The following CRHR1 variants were observed in gnomAD, a reference collection of about 807,000 sequenced individuals.
CRHR1 encodes the protein corticotropin-releasing hormone receptor 1.
In CRHR1, 28 loss-of-function variants were observed where a neutral mutation model predicts 56.0. The ratio of observed to expected loss-of-function variants is 0.50; its 90% CI spans 0.37 to 0.69. The LOEUF is 0.69. CRHR1 is among the 30% of genes least tolerant of loss of function. The pLI, the probability that CRHR1 is intolerant of heterozygous loss-of-function variation, is 0.00. For missense variants in CRHR1, 376 were observed against 548.0 expected, an observed-to-expected ratio of 0.69 and a Z score of 3.13; for synonymous variants, 195 against 216.5, an observed-to-expected ratio of 0.90 and a Z score of 0.87.
At chr17:45,785,223 C>A (rs2061313584) in intron 1 of CRHR1, among the ~76,000 whole-genome samples, 1 of 152,258 alleles carries the variant, frequency 6.6e-6, no homozygotes, top group Admixed American at 6.5e-5. Context: ...CCCCGCGCTG[C>A]GCGGCCGACC....
In CRHR1 at chr17:45,833,979, C is replaced by T. The variant is rs763834953; in HGVS notation, c.1066-28C>T. 9 of 1,613,764 alleles carry T rather than the reference C, an allele frequency of 5.6e-6. No individual in the cohort carries two copies. The African/African-American group carries it at 1.2e-4, about 22-fold the overall frequency. On this transcript the variant is annotated intron_variant, in intron 11 of 12. Transcript: ENST00000314537. Reference sequence around the variant, plus strand: ...CTGGGTGGGCAACACCTGCAGCCGACCTTTGACGCCTCCTCTCTCCTCCCC... The same window carrying T: ...CTGGGTGGGCAACACCTGCAGCCGATCTTTGACGCCTCCTCTCTCCTCCCC...
intron 3 of CRHR1, among the ~76,000 whole-genome samples, chr17:45,818,310 A>T (rs2061969689): frequency 6.6e-6 from 1 of 152,026 alleles, no homozygotes; most frequent in Admixed American, 6.6e-5. Flanking sequence ...AGCCCTGGCC[A>T]CCCCCCATGA....
At chr17:45,788,688 G>A (rs1273453311) in intron 1 of CRHR1, among the ~76,000 whole-genome samples, 1 of 152,224 alleles carries the variant, frequency 6.6e-6, no homozygotes, top group Non-Finnish European at 1.5e-5. Context: ...GCAGATATAA[G>A]TTAATGCAGG....
chr17:45,803,722 C>A (rs940025885), intron 1 of CRHR1, among the ~76,000 whole-genome samples: 1 of 151,924 alleles, frequency 6.6e-6, no homozygotes, highest in African/African-American at 2.4e-5. Context: ...TGTGGCTGAG[C>A]TGGCTCTGGG....
Position 45,829,295 on chromosome 17 carries a change from G to A in CRHR1, c.408G>A (p.Val136=). 6.2e-7 allele frequency: 1 copy of A among 1,614,064 alleles called. No homozygotes were observed. The highest frequency in any genetic ancestry group is 8.5e-7 in the Non-Finnish European group (1 of 1,180,024). The change falls in exon 5 of 13, where the codon GTG becomes GTA. Residue 136 remains valine (V), a synonymous_variant. Coordinates refer to ENST00000314537, the MANE Select transcript of CRHR1 (RefSeq NM_004382.5). ...GTATCTCCCTGGTGGCCCTCCTGGT[G>A]GCCTTTGTCCTCTTTCTGCGGCTCA... ...GHCISLVALL[V]AFVLFLRLRS...
intron 1 of CRHR1, among the ~76,000 whole-genome samples, chr17:45,791,852 T>A (rs4792881): frequency 0.18 from 21,230 of 120,908 alleles, 2,023 homozygotes; most frequent in Middle Eastern, 0.24. Flanking sequence ...TCTCTCTCTC[T>A]CACACACACA....
chr17:45,787,824 G>A (rs1185783110), intron 1 of CRHR1, among the ~76,000 whole-genome samples: 1 of 152,240 alleles, frequency 6.6e-6, no homozygotes, highest in Non-Finnish European at 1.5e-5. Flanking sequence ...GCGTTGGCAA[G>A]AGGCATGAGG....
intron 1 of CRHR1, among the ~76,000 whole-genome samples, chr17:45,803,949 T>G (rs1393670392): frequency 6.6e-6 from 1 of 152,224 alleles, no homozygotes; most frequent in African/African-American, 2.4e-5. Context: ...TGCTGATTGC[T>G]GAGCGGGCAG....
chr17:45,833,766 A>G lies in CRHR1; in HGVS notation c.982A>G (p.Met328Val), dbSNP rs773247882. The G allele has an allele frequency of 1.0e-5, 16 of 1,604,924 alleles. No homozygotes were observed. Among genetic ancestry groups the G allele is most frequent in the East Asian group, 2.3e-5 (1 of 44,108 alleles). The change falls in exon 11 of 13, where the codon ATG (methionine) becomes GTG (valine). Residue 328 changes from methionine (M) to valine (V), a missense_variant. By Grantham distance (21) the Met-to-Val change is conservative (BLOSUM62 1). This residue lies in a region of CRHR1 where 369 missense variants were observed against 519.5 expected (regional missense o/e 0.71). Coordinates refer to ENST00000314537, the MANE Select transcript of CRHR1 (RefSeq NM_004382.5). Reference protein sequence around the residue: ...VLLPLLGITYMLFFVNPGEDE... With the variant: ...VLLPLLGITYVLFFVNPGEDE... ...GCTGCCCCTCCTGGGCATCACCTACATGCTGTTCTTCGTCAATCCCGGGGA... is the reference window on the plus strand; with the variant it reads ...GCTGCCCCTCCTGGGCATCACCTACGTGCTGTTCTTCGTCAATCCCGGGGA...
At chr17:45,804,819 T>A (rs1598412163) in intron 1 of CRHR1, among the ~76,000 whole-genome samples, 1 of 2,346 alleles carries the variant, frequency 4.3e-4, no homozygotes, top group African/African-American at 1.2e-3. Flanking sequence ...CAATAGATAA[T>A]TTTTTTTTTT....
intron 12 of CRHR1, 91 bp from the exon 13 acceptor site, chr17:45,834,533 G>A (rs1051287343): frequency 3.7e-5 from 54 of 1,473,672 alleles, no homozygotes; most frequent in African/African-American, 3.5e-4. Flanking sequence ...CTGCACAGCC[G>A]CTTACCTGCA....
intron 4 of CRHR1, chr17:45,826,099 T>A (rs1419486426): frequency 1.3e-5 from 2 of 152,318 alleles, no homozygotes; most frequent in Admixed American, 6.5e-5. Flanking sequence ...TGGATGGAGA[T>A]GGAGTGCTGG....
intron 9 of CRHR1, 102 bp from the exon 10 acceptor site, chr17:45,833,350 A>G: frequency 1.4e-6 from 2 of 1,460,378 alleles, no homozygotes; most frequent in South Asian, 2.3e-5. Context: ...GCAGGTGCTC[A>G]TGAGGAGGAG....
At chr17:45,832,075 A>AACAAAAAAAAAC (rs1310738023) in intron 8 of CRHR1, among the ~76,000 whole-genome samples, 5 of 151,960 alleles carry the variant, frequency 3.3e-5, no homozygotes, top group Non-Finnish European at 7.4e-5. Context: ...AAAACAAAAA[A>AACAAAAAAAAAC]ACAAAAATTA....
chr17:45,823,083 G>A (rs1044445585), intron 4 of CRHR1, among the ~76,000 whole-genome samples: 1 of 151,040 alleles, frequency 6.6e-6, no homozygotes, highest in East Asian at 2.0e-4. Flanking sequence ...GGCGGAGGTT[G>A]CAGTGAGCCC....
At position 45,833,821 on chromosome 17, in the gene CRHR1, A is replaced by T; in HGVS notation, c.1037A>T (p.Tyr346Phe). ...GAGGTCTCCCGGGTCGTCTTCATCT[A>T]CTTCAACTCCTTCCTGGAATCCTTC... ...EDEVSRVVFI[Y>F]FNSFLESFQG... is the part of the protein sequence containing the mutation. The change falls in exon 11 of 13, where the codon TAC becomes TTC. Residue 346 changes from tyrosine (Y) to phenylalanine (F), a missense_variant. Tyr to Phe is a conservative substitution (Grantham distance 22, BLOSUM62 3). Coordinates refer to ENST00000314537, the MANE Select transcript of CRHR1 (RefSeq NM_004382.5). 6.2e-7 allele frequency: 1 copy of T among 1,613,418 alleles called. No homozygotes were observed. The highest frequency in any genetic ancestry group is 8.5e-7 in the Non-Finnish European group (1 of 1,179,934).
chr17:45,798,021 G>A (rs902986088), intron 1 of CRHR1, among the ~76,000 whole-genome samples: 1 of 152,104 alleles, frequency 6.6e-6, no homozygotes, highest in Non-Finnish European at 1.5e-5. Context: ...GGAGAGGAGA[G>A]GGAGCTCCTG....
rs112691859 is a variant in CRHR1, at chr17:45,834,901, T to TGG, written c.*143_*144dup. On this transcript the variant is annotated 3_prime_UTR_variant, in exon 13 of 13. Transcript: ENST00000314537. ...CCAGGAGCAGCTGGCACTGACAGCC[T>TGG]GGGGGGGCCGCTCTCCCCCTGCAGC... 25 of 1,145,746 alleles carry TGG rather than the reference T, an allele frequency of 2.2e-5. No homozygotes were observed. The highest frequency in any genetic ancestry group is 2.1e-4 in the Middle Eastern group (1 of 4,754). 71.0% of individuals were successfully genotyped at this position (1,145,746 alleles called of 1,614,324 possible). A position where few individuals can be genotyped will look rare whatever the true frequency, so the allele number is the denominator to read the frequency against.
chr17:45,794,807 G>T (rs535161777), intron 1 of CRHR1, among the ~76,000 whole-genome samples: 1 of 152,164 alleles, frequency 6.6e-6, no homozygotes, highest in Non-Finnish European at 1.5e-5. Context: ...CCTTGTCCCC[G>T]CACTCATCCA....
Sources: allele counts gnomAD v4.1 joint callset (sites outside exome capture counted in the v4.1 genomes callset), GRCh38; gene constraint gnomAD v4.1.1; regional missense constraint gnomAD v4.1.1; transcripts MANE v1.5; gene names NCBI Gene and HGNC (gene_info 2026-07-23, HGNC 2026-07-21).